The following SYT16 variants were observed in gnomAD, a reference collection of about 807,000 sequenced individuals.
SYT16 encodes the protein synaptotagmin 16.
A neutral mutation model predicts 61.4 loss-of-function variants in SYT16; 42 were observed. The ratio of observed to expected loss-of-function variants is 0.68; its 90% CI spans 0.53 to 0.89. The LOEUF is 0.89. Ranked by LOEUF, SYT16 falls within the 40% of genes least tolerant of loss-of-function variation. The pLI is 0.00. For synonymous variants in SYT16, 314 were observed against 302.3 expected (o/e 1.04, Z -0.40); for missense variants, 804 against 807.3 (o/e 1.00, Z 0.05).
At chr14:61,979,453 A>G (rs189533939) in intron 2 of SYT16, among the ~76,000 whole-genome samples, 166 of 152,312 alleles carry the variant, frequency 1.1e-3, no homozygotes, top group African/African-American at 3.9e-3. Context: ...CCCAGAGTCT[A>G]GGTTCCATCA....
chr14:62,038,665 T>C (rs764796188), intron 3 of SYT16, among the ~76,000 whole-genome samples: 7 of 152,152 alleles, frequency 4.6e-5, no homozygotes, highest in South Asian at 2.1e-4. Flanking sequence ...TATAGTTCCC[T>C]GGAACCTGAG....
chr14:62,040,903 G>C (rs187780068), intron 3 of SYT16, among the ~76,000 whole-genome samples: 1 of 152,144 alleles, frequency 6.6e-6, no homozygotes, highest in East Asian at 1.9e-4. Context: ...TTGAATTAGG[G>C]TTCTCTAGAG....
At chr14:61,821,353 T>G (rs1013426164) in intron 1 of SYT16, among the ~76,000 whole-genome samples, 2 of 152,228 alleles carry the variant, frequency 1.3e-5, no homozygotes, top group African/African-American at 4.8e-5. Flanking sequence ...TTGTTATCTA[T>G]TGCTGCATAA....
In SYT16 at chr14:61,995,005, G is replaced by A. The variant is rs965385158; in HGVS notation, c.-144-871G>A. ...GTTAGGCCCTCTAGTCATTTGTAAC[G>A]TTCATCTTGAGCTGTTGATGAACAC... On this transcript the variant is annotated intron_variant, in intron 2 of 7. Coordinates refer to ENST00000683842, the MANE Select transcript of SYT16 (RefSeq NM_001367656.1). 9.2e-5 allele frequency among the ~76,000 whole-genome samples: 14 copies of A among 152,192 alleles called. No individual in the cohort carries two copies. The South Asian group carries it at 1.0e-3, about 11-fold the overall frequency.
chr14:61,947,590 T>G (rs1334072485), intron 1 of SYT16, among the ~76,000 whole-genome samples: 2 of 152,140 alleles, frequency 1.3e-5, no homozygotes, highest in African/African-American at 4.8e-5. Context: ...TTATTGTGCA[T>G]AAAATGACTT....
chr14:62,042,268 G>T (rs756716650), intron 3 of SYT16, among the ~76,000 whole-genome samples: 24 of 152,138 alleles, frequency 1.6e-4, no homozygotes, highest in Non-Finnish European at 2.9e-4. Flanking sequence ...CTCCCAAAGT[G>T]CTAGGATTAT....
At chr14:61,988,463 C>T (rs568425995) in intron 2 of SYT16, among the ~76,000 whole-genome samples, 2 of 152,110 alleles carry the variant, frequency 1.3e-5, no homozygotes, top group Non-Finnish European at 2.9e-5. Flanking sequence ...TAAATACTCA[C>T]AAATACTCAA....
At chr14:62,024,091 C>A (rs1323039217) in intron 3 of SYT16, among the ~76,000 whole-genome samples, 2 of 152,004 alleles carry the variant, frequency 1.3e-5, no homozygotes, top group Non-Finnish European at 2.9e-5. Flanking sequence ...AGTAAAACAG[C>A]TCAGATATGA....
At chr14:62,077,336 G>A (rs2056532197) in intron 5 of SYT16, among the ~76,000 whole-genome samples, 1 of 152,334 alleles carries the variant, frequency 6.6e-6, no homozygotes, top group Non-Finnish European at 1.5e-5. Context: ...CATTTATTTT[G>A]TCTCAGCAGG....
intron 1 of SYT16, among the ~76,000 whole-genome samples, chr14:61,915,851 A>G (rs1000194645): frequency 6.6e-6 from 1 of 152,256 alleles, no homozygotes; most frequent in Non-Finnish European, 1.5e-5. Flanking sequence ...ACATTAAAGC[A>G]TGGATTATTA....
chr14:61,826,173 C>T (rs11158363), intron 1 of SYT16, among the ~76,000 whole-genome samples: 6,525 of 152,014 alleles, frequency 0.043, 289 homozygotes, highest in African/African-American at 0.095. Context: ...TGGAACCAGC[C>T]CTGGACAGGA....
At chr14:61,901,406 G>A (rs1411682746) in intron 1 of SYT16, among the ~76,000 whole-genome samples, 1 of 152,162 alleles carries the variant, frequency 6.6e-6, no homozygotes, top group Non-Finnish European at 1.5e-5. Context: ...TACAGGTGAG[G>A]AAATGAGGAG....
chr14:61,864,960 A>T (rs1377899319), intron 1 of SYT16: 2 of 1,342,308 alleles, frequency 1.5e-6, no homozygotes, highest in African/African-American at 2.9e-5. Context: ...AAAGTGCTGA[A>T]AATTGCTGCG....
chr14:62,067,335 A>G (rs1164930453), intron 3 of SYT16, among the ~76,000 whole-genome samples: 1 of 152,182 alleles, frequency 6.6e-6, no homozygotes, highest in African/African-American at 2.4e-5. Context: ...TATGAAGGCA[A>G]CTACTTAAGG....
rs1013649062 is a variant in SYT16, at chr14:61,962,929, T to C, written c.-324-7203T>C. ...ATTTAATTAGTCTATTTGTGTTTTC[T>C]TATAGCTCACTGAGCTTTTTAAAGA... On this transcript the variant is annotated intron_variant, in intron 1 of 7. Coordinates refer to ENST00000683842, the MANE Select transcript of SYT16 (RefSeq NM_001367656.1). 1.8e-4 allele frequency among the ~76,000 whole-genome samples: 27 copies of C among 152,308 alleles called. 1 individual carries two copies. Among genetic ancestry groups the C allele is most frequent in the African/African-American group, 5.5e-4 (23 of 41,578 alleles).
chr14:62,080,202 G>A (rs938332390), intron 5 of SYT16, among the ~76,000 whole-genome samples: 14 of 152,234 alleles, frequency 9.2e-5, no homozygotes, highest in African/African-American at 3.4e-4. Flanking sequence ...GCCGAGGCTA[G>A]CAGCGTCAAC....
At chr14:62,008,194 G>T (rs566805132) in intron 3 of SYT16, among the ~76,000 whole-genome samples, 62 of 150,884 alleles carry the variant, frequency 4.1e-4, no homozygotes, top group Middle Eastern at 3.4e-3. Flanking sequence ...TTCTTTCTTC[G>T]CTGGTACCCT....
At chr14:62,004,341 G>A (rs2053138980) in intron 3 of SYT16, among the ~76,000 whole-genome samples, 1 of 152,088 alleles carries the variant, frequency 6.6e-6, no homozygotes, top group South Asian at 2.1e-4. Flanking sequence ...ATTATCATGA[G>A]AACAGCATGG....
chr14:61,999,484 CT>C (rs907162076), intron 3 of SYT16, among the ~76,000 whole-genome samples: 3 of 151,394 alleles, frequency 2.0e-5, no homozygotes, highest in East Asian at 1.9e-4. Flanking sequence ...TACTTTTTGT[CT>C]TTTTTTGTTG....
Sources: gnomAD v4.1 joint callset for allele counts (sites outside exome capture counted in the v4.1 genomes callset) on GRCh38, gnomAD v4.1.1 for gene constraint, MANE v1.5 for transcripts, NCBI Gene and HGNC (gene_info 2026-07-23, HGNC 2026-07-21) for gene names.